CTNNA3: variants seen among roughly 807,000 people sequenced by gnomAD.
CTNNA3 encodes the protein catenin alpha 3, also known as catenin alpha-3.
CTNNA3 carries 76 observed loss-of-function variants against 95.7 expected under a neutral mutation model. The observed-to-expected ratio is 0.79, with a 90% CI of 0.66 to 0.96. The LOEUF (loss-of-function observed/expected upper bound fraction) is 0.96, where lower values mean the gene tolerates loss of function less well. CTNNA3 is among the 40% of genes least tolerant of loss of function. The probability of loss-of-function intolerance (pLI) is 0.00; values close to 1 mark genes in which losing one functional copy is unlikely to be tolerated. For synonymous variants in CTNNA3, 431 were observed against 374.4 expected, an observed-to-expected ratio of 1.15 and a Z score of -1.74; for missense variants, 1,191 against 1,089.8, an observed-to-expected ratio of 1.09 and a Z score of -1.31.
chr10:66,075,335 A>C (rs1321216345), intron 14 of CTNNA3, among the ~76,000 whole-genome samples: 3 of 151,802 alleles, frequency 2.0e-5, no homozygotes, highest in Non-Finnish European at 4.4e-5. Context: ...CCACCATTCA[A>C]ATTCCACTTT....
At chr10:66,822,549 T>C (rs1301635067) in intron 7 of CTNNA3, among the ~76,000 whole-genome samples, 2 of 152,254 alleles carry the variant, frequency 1.3e-5, no homozygotes, top group Non-Finnish European at 2.9e-5. Flanking sequence ...AACTCTGTTA[T>C]ACCACTTATG....
At chr10:66,530,196 T>C (rs1218815312) in intron 10 of CTNNA3, among the ~76,000 whole-genome samples, 1 of 152,216 alleles carries the variant, frequency 6.6e-6, no homozygotes, top group East Asian at 1.9e-4. Context: ...GATTTATATG[T>C]AGTATCTATA....
intron 10 of CTNNA3, among the ~76,000 whole-genome samples, chr10:66,604,123 CA>C (rs1844030694): frequency 6.6e-6 from 1 of 151,908 alleles, no homozygotes; most frequent in Non-Finnish European, 1.5e-5. Flanking sequence ...GCAAAGAAAA[CA>C]ATTAACAAAG....
chr10:67,670,403 T>C (rs1840409140), intron 1 of CTNNA3, among the ~76,000 whole-genome samples: 1 of 152,230 alleles, frequency 6.6e-6, no homozygotes, highest in South Asian at 2.1e-4. Flanking sequence ...TTTGCAAAAC[T>C]TGTAATATCC....
At chr10:66,514,132 C>A (rs1426657848) in intron 11 of CTNNA3, among the ~76,000 whole-genome samples, 1 of 152,106 alleles carries the variant, frequency 6.6e-6, no homozygotes, top group Admixed American at 6.6e-5. Context: ...GTTATTTTTT[C>A]ATAATTTGAA....
At chr10:67,030,733 C>T (rs1036785388) in intron 7 of CTNNA3, among the ~76,000 whole-genome samples, 20 of 152,018 alleles carry the variant, frequency 1.3e-4, no homozygotes, top group African/African-American at 3.9e-4. Context: ...CGGTCAGATG[C>T]GGTGGCTCAC....
At chr10:66,805,893 T>G (rs1841621123) in intron 7 of CTNNA3, among the ~76,000 whole-genome samples, 1 of 152,062 alleles carries the variant, frequency 6.6e-6, no homozygotes, top group East Asian at 1.9e-4. Context: ...AGAAAAGTAT[T>G]TATCGATCAA....
intron 5 of CTNNA3, among the ~76,000 whole-genome samples, chr10:67,426,894 G>T (rs984070089): frequency 1.3e-5 from 2 of 151,844 alleles, no homozygotes; most frequent in Non-Finnish European, 2.9e-5. Flanking sequence ...ACTACTTAGT[G>T]CATTTATGAT....
At chr10:67,290,507 T>G (rs1291257927) in intron 5 of CTNNA3, among the ~76,000 whole-genome samples, 1 of 152,156 alleles carries the variant, frequency 6.6e-6, no homozygotes. Flanking sequence ...TTATGCAACT[T>G]TTCTATGTGC....
intron 11 of CTNNA3, among the ~76,000 whole-genome samples, chr10:66,483,425 T>C (rs1307432399): frequency 1.3e-5 from 2 of 152,134 alleles, no homozygotes; most frequent in Non-Finnish European, 2.9e-5. Context: ...AGCTGCAGCT[T>C]GGCATTACAT....
intron 13 of CTNNA3, among the ~76,000 whole-genome samples, chr10:66,192,491 T>C (rs1292970061): frequency 6.6e-6 from 1 of 152,196 alleles, no homozygotes; most frequent in Admixed American, 6.6e-5. Flanking sequence ...ACTCCACAAG[T>C]TCATAATGGT....
chr10:66,169,462 A>C (rs1332005230), intron 13 of CTNNA3, among the ~76,000 whole-genome samples: 1 of 152,182 alleles, frequency 6.6e-6, no homozygotes, highest in African/African-American at 2.4e-5. Flanking sequence ...TGCAATTATG[A>C]ATATTGTAAT....
chr10:66,943,695 A>G (rs990206697), intron 7 of CTNNA3, among the ~76,000 whole-genome samples: 13 of 152,170 alleles, frequency 8.5e-5, no homozygotes, highest in Non-Finnish European at 1.5e-5. Flanking sequence ...AGCAGGGGAA[A>G]ACAAATACAG....
intron 1 of CTNNA3, among the ~76,000 whole-genome samples, chr10:67,722,115 G>A (rs1384004694): frequency 2.6e-5 from 4 of 152,074 alleles, no homozygotes; most frequent in Admixed American, 6.6e-5. Flanking sequence ...CAATCTCAAT[G>A]GTTCCCCTTG....
intron 10 of CTNNA3, among the ~76,000 whole-genome samples, chr10:66,621,063 G>T (rs956253175): frequency 2.0e-5 from 3 of 152,132 alleles, no homozygotes; most frequent in African/African-American, 7.2e-5. Flanking sequence ...TCACTCTTCA[G>T]ATTTTAAGAA....
At chr10:66,226,217 T>C (rs2089279276) in intron 13 of CTNNA3, among the ~76,000 whole-genome samples, 1 of 152,154 alleles carries the variant, frequency 6.6e-6, no homozygotes, top group Non-Finnish European at 1.5e-5. Context: ...CCATTTTGAG[T>C]TGATTTCTGT....
intron 7 of CTNNA3, chr10:67,097,654 T>G: frequency 6.2e-7 from 1 of 1,612,494 alleles, no homozygotes; most frequent in Non-Finnish European, 8.5e-7. Flanking sequence ...TACTGTGGGG[T>G]GCATCATGAA....
intron 8 of CTNNA3, among the ~76,000 whole-genome samples, chr10:66,767,342 T>G (rs1589232145): frequency 6.6e-6 from 1 of 151,192 alleles, no homozygotes; most frequent in African/African-American, 2.4e-5. Context: ...GCTACTTGGG[T>G]GGCTGAGGCA....
intron 5 of CTNNA3, among the ~76,000 whole-genome samples, chr10:67,247,432 G>GT (rs1229179092): frequency 6.6e-6 from 1 of 151,954 alleles, no homozygotes; most frequent in Non-Finnish European, 1.5e-5. Context: ...AAAAAACTTA[G>GT]TAAAAAAATT....
Sources: allele counts gnomAD v4.1 joint callset (sites outside exome capture counted in the v4.1 genomes callset), GRCh38; gene constraint gnomAD v4.1.1; transcripts MANE v1.5; gene names NCBI Gene and HGNC (gene_info 2026-07-23, HGNC 2026-07-21).